Variants in ACBD6 observed in about 807,000 individuals in gnomAD.
ACBD6 encodes acyl-CoA-binding domain-containing protein 6.
In ACBD6, 28 loss-of-function variants were observed where a neutral mutation model predicts 37.2. The observed-to-expected ratio is 0.75, with a 90% CI of 0.56 to 1.03. The LOEUF (loss-of-function observed/expected upper bound fraction) is 1.03. Among genes scored for constraint, ACBD6 ranks in the 50% least tolerant of loss-of-function variants. ACBD6 has a pLI of 0.00. For synonymous variants in ACBD6, 113 were observed against 126.8 expected (o/e 0.89, Z 0.73); for missense variants, 340 against 337.4 (o/e 1.01, Z -0.06).
intron 3 of ACBD6, among the ~76,000 whole-genome samples, chr1:180,465,855 T>C (rs1256981789): frequency 1.3e-5 from 2 of 152,144 alleles, no homozygotes; most frequent in African/African-American, 4.8e-5. Context: ...ATGCCTTTTA[T>C]AGGAACATGG....
chr1:180,452,089 A>T (rs1649729042), intron 3 of ACBD6, among the ~76,000 whole-genome samples: 1 of 152,204 alleles, frequency 6.6e-6, no homozygotes, highest in African/African-American at 2.4e-5. Flanking sequence ...AATCTCTGGG[A>T]CACAGCTAAA....
chr1:180,364,968 C>T (rs1287406543), intron 6 of ACBD6, among the ~76,000 whole-genome samples: 8 of 152,216 alleles, frequency 5.3e-5, no homozygotes, highest in South Asian at 2.1e-4. Flanking sequence ...CTTCTGACCT[C>T]GTGATCCGCC....
chr1:180,427,720 G>A (rs534808499), intron 4 of ACBD6, among the ~76,000 whole-genome samples: 22 of 152,116 alleles, frequency 1.4e-4, no homozygotes, highest in Non-Finnish European at 2.4e-4. Flanking sequence ...TCAAGAGATC[G>A]AGACCATCCT....
At chr1:180,408,409 T>G (rs1041690937) in intron 5 of ACBD6, among the ~76,000 whole-genome samples, 3 of 152,062 alleles carry the variant, frequency 2.0e-5, no homozygotes, top group African/African-American at 7.3e-5. Context: ...CTCAGTAAAC[T>G]ATCGCAAAGA....
At chr1:180,355,574 A>G (rs951695043) in intron 6 of ACBD6, among the ~76,000 whole-genome samples, 10 of 151,988 alleles carry the variant, frequency 6.6e-5, no homozygotes, top group African/African-American at 2.4e-4. Context: ...TTTATTTTTT[A>G]TATTATCTTT....
intron 7 of ACBD6, among the ~76,000 whole-genome samples, chr1:180,306,011 C>T (rs1650344746): frequency 1.3e-5 from 2 of 149,594 alleles, no homozygotes; most frequent in African/African-American, 2.5e-5. Context: ...AAAAACCAAA[C>T]ACCGCATATT....
intron 3 of ACBD6, among the ~76,000 whole-genome samples, chr1:180,476,284 A>T (rs180940821): frequency 0.025 from 3,843 of 152,200 alleles, 81 homozygotes; most frequent in Middle Eastern, 0.088. Context: ...GAGGTTGAAA[A>T]TTTTTTTTGT....
At chr1:180,408,317 C>T (rs997338031) in intron 5 of ACBD6, among the ~76,000 whole-genome samples, 7 of 152,150 alleles carry the variant, frequency 4.6e-5, no homozygotes, top group African/African-American at 7.2e-5. Flanking sequence ...ATATCATATA[C>T]ACCATGGAAT....
At chr1:180,304,904 G>C (rs1313332039) in intron 7 of ACBD6, among the ~76,000 whole-genome samples, 3 of 152,004 alleles carry the variant, frequency 2.0e-5, no homozygotes. Flanking sequence ...CCAAAACAGA[G>C]ATATAGACCA....
At chr1:180,337,743 AT>A (rs1651800115) in intron 6 of ACBD6, among the ~76,000 whole-genome samples, 1 of 152,232 alleles carries the variant, frequency 6.6e-6, no homozygotes, top group Non-Finnish European at 1.5e-5. Flanking sequence ...ATGATTGTAT[AT>A]CTAGAAAACC....
intron 6 of ACBD6, among the ~76,000 whole-genome samples, chr1:180,391,622 G>A (rs1454894759): frequency 6.6e-6 from 1 of 152,080 alleles, no homozygotes; most frequent in African/African-American, 2.4e-5. Context: ...CCATACCTTA[G>A]GGTGGCTATA....
intron 3 of ACBD6, among the ~76,000 whole-genome samples, chr1:180,490,265 C>G (rs1457110415): frequency 6.6e-6 from 1 of 152,148 alleles, no homozygotes; most frequent in Admixed American, 6.5e-5. Flanking sequence ...TTTAAGCCCT[C>G]AGAACCTTGA....
chr1:180,341,571 C>T (rs1651988009), intron 6 of ACBD6, among the ~76,000 whole-genome samples: 1 of 151,986 alleles, frequency 6.6e-6, no homozygotes, highest in South Asian at 2.1e-4. Context: ...CCTTAACCAT[C>T]CCTCTAATGC....
chr1:180,447,048 CAAACAAAA>C (rs1649502516), intron 3 of ACBD6, among the ~76,000 whole-genome samples: 3 of 151,834 alleles, frequency 2.0e-5, no homozygotes, highest in Admixed American at 1.3e-4. Context: ...CCAAAACAAA[CAAACAAAA>C]AAACCCAGAC....
chr1:180,323,068 T>C lies in ACBD6; in HGVS notation c.664-8346A>G, dbSNP rs188464397. 2.0e-4 allele frequency among the ~76,000 whole-genome samples: 30 copies of C among 152,036 alleles called. No individual in the cohort carries two copies. In the East Asian group the frequency reaches 5.8e-3, roughly 29 times the overall value. On this transcript the variant is annotated intron_variant, in intron 6 of 7. Coordinates refer to ENST00000367595, the MANE Select transcript of ACBD6 (RefSeq NM_032360.4). Reference sequence around the variant, plus strand: ...TTGGTATATTTCGTTTTCACCATTGTTAAAGAAATTTTTCAATTTTCTTAA... The same window carrying C: ...TTGGTATATTTCGTTTTCACCATTGCTAAAGAAATTTTTCAATTTTCTTAA...
chr1:180,383,061 T>C (rs937959287), intron 6 of ACBD6, among the ~76,000 whole-genome samples: 2 of 152,130 alleles, frequency 1.3e-5, no homozygotes, highest in African/African-American at 4.8e-5. Context: ...AAAAGCTATA[T>C]GACAAACGCA....
intron 7 of ACBD6, among the ~76,000 whole-genome samples, chr1:180,306,162 T>C (rs1311029366): frequency 6.7e-6 from 1 of 149,760 alleles, no homozygotes; most frequent in Non-Finnish European, 1.5e-5. Context: ...GATGAGTTGA[T>C]GGGTGCAGCA....
chr1:180,296,047 G>A (rs529075935), intron 7 of ACBD6, among the ~76,000 whole-genome samples: 1 of 152,296 alleles, frequency 6.6e-6, no homozygotes, highest in African/African-American at 2.4e-5. Context: ...CCAAATAAAA[G>A]TTCTTGAAGA....
intron 6 of ACBD6, among the ~76,000 whole-genome samples, chr1:180,350,300 C>T (rs1288586577): frequency 6.6e-6 from 1 of 152,142 alleles, no homozygotes; most frequent in Admixed American, 6.5e-5. Flanking sequence ...ACCCAAAGTG[C>T]TTGGATTACA....
Sources: gnomAD v4.1 joint callset for allele counts (sites outside exome capture counted in the v4.1 genomes callset) on GRCh38, gnomAD v4.1.1 for gene constraint, MANE v1.5 for transcripts, NCBI Gene and HGNC (gene_info 2026-07-23, HGNC 2026-07-21) for gene names.